Variants in IGSF5 observed in about 807,000 individuals in gnomAD.
IGSF5 encodes the protein immunoglobulin superfamily 5 like.
In IGSF5, 41 loss-of-function variants were observed where a neutral mutation model predicts 39.4. The ratio of observed to expected loss-of-function variants is 1.04; its 90% CI spans 0.81 to 1.35. IGSF5 has a LOEUF of 1.35. Ranked by LOEUF, IGSF5 falls within the 40% of genes most tolerant of loss-of-function variation. The probability of loss-of-function intolerance (pLI) is 0.00; values close to 1 mark genes in which losing one functional copy is unlikely to be tolerated. For missense variants in IGSF5, 487 were observed against 494.6 expected (o/e 0.98, Z 0.15); for synonymous variants, 183 against 175.3 (o/e 1.04, Z -0.34).
At chr21:39,747,093 GT>G (rs1200357999) in intron 2 of IGSF5, among the ~76,000 whole-genome samples, 5 of 152,174 alleles carry the variant, frequency 3.3e-5, no homozygotes. Flanking sequence ...GAATTAGTCT[GT>G]TTTCACGCTG....
At chr21:39,752,147 G>T (rs899717660) in intron 2 of IGSF5, among the ~76,000 whole-genome samples, 3 of 152,104 alleles carry the variant, frequency 2.0e-5, no homozygotes, top group African/African-American at 7.2e-5. Flanking sequence ...TGCCTAATAT[G>T]TAGTCTTTTA....
rs765104358 is a variant in IGSF5 at position 39,801,265 on chromosome 21, G to C, written c.1132G>C (p.Ala378Pro). 1.2e-6 allele frequency: 2 copies of C among 1,613,660 alleles called. No homozygotes were observed. The highest frequency in any genetic ancestry group is 2.7e-5 in the African/African-American group (2 of 74,892). Residue 378 changes from alanine to proline, a missense_variant, in exon 9 of 9, where the codon GCT becomes CCT. Transcript: ENST00000380588. Reference sequence around the variant, plus strand: ...TTTTTTCCTCCTCTGTTGCCAGCGGGCTGATCAACGTCCACCCAGGCCAGC... The same window carrying C: ...TTTTTTCCTCCTCTGTTGCCAGCGGCCTGATCAACGTCCACCCAGGCCAGC... ...NSSCGPPHQR[A>P]DQRPPRPASH...
At chr21:39,728,288 C>A in the IGSF5 span, among the ~76,000 whole-genome samples, 1 of 152,098 alleles carries the variant, frequency 6.6e-6, no homozygotes, top group Non-Finnish European at 1.5e-5. Context: ...GGCCCTTAAT[C>A]CAGTATGACT....
chr21:39,788,432 A>G (rs2086937820), intron 6 of IGSF5, among the ~76,000 whole-genome samples: 1 of 152,208 alleles, frequency 6.6e-6, no homozygotes, highest in African/African-American at 2.4e-5. Flanking sequence ...TGGTTCCCTT[A>G]GGGAAATGGA....
intron 6 of IGSF5, 156 bp from the exon 7 acceptor site, chr21:39,791,852 A>G (rs2086967203): frequency 3.4e-6 from 2 of 592,124 alleles, no homozygotes; most frequent in Non-Finnish European, 6.1e-6. Context: ...CATACCTGCA[A>G]CGCAGCGGCA....
chr21:39,799,704 A>C (rs905075917), intron 8 of IGSF5, among the ~76,000 whole-genome samples: 1 of 152,184 alleles, frequency 6.6e-6, no homozygotes, highest in Non-Finnish European at 1.5e-5. Context: ...GATGAATGCC[A>C]AGTGAAAGGT....
At chr21:39,765,044 C>T (rs2080079027) in intron 2 of IGSF5, among the ~76,000 whole-genome samples, 1 of 152,138 alleles carries the variant, frequency 6.6e-6, no homozygotes, top group Non-Finnish European at 1.5e-5. Flanking sequence ...CAATCCTTGC[C>T]ATTCCTTGGC....
intron 4 of IGSF5, among the ~76,000 whole-genome samples, chr21:39,775,298 G>C (rs1156976440): frequency 6.6e-6 from 1 of 152,174 alleles, no homozygotes; most frequent in East Asian, 1.9e-4. Flanking sequence ...CTGAGCCTCA[G>C]TTTTAGAACG....
At chr21:39,726,948 G>T in the IGSF5 span, among the ~76,000 whole-genome samples, 1 of 152,104 alleles carries the variant, frequency 6.6e-6, no homozygotes, top group Non-Finnish European at 1.5e-5. Flanking sequence ...ACAATGGAAA[G>T]GCCATTGATG....
rs772649631 is a variant in IGSF5 at position 39,779,248 on chromosome 21, CGTT to C, written c.883_885del (p.Cys295del). The stretch of plus-strand genomic sequence containing the variant: ...AATACGCTGCTGCTGCTGCCGCCGT[CGTT>C]GTTGTGGCTGCAACTGCTGCTGCCG... On this transcript the variant is annotated inframe_deletion, in exon 5 of 9. Coordinates refer to ENST00000380588, the MANE Select transcript of IGSF5 (RefSeq NM_001080444.2). The C allele has an allele frequency of 1.5e-5, 25 of 1,613,602 alleles. No individual in the cohort carries two copies. Among genetic ancestry groups the C allele is most frequent in the Non-Finnish European group, 2.1e-5 (25 of 1,179,678 alleles).
chr21:39,720,229 T>A, the IGSF5 span, among the ~76,000 whole-genome samples: 3 of 152,078 alleles, frequency 2.0e-5, no homozygotes, highest in Non-Finnish European at 4.4e-5. Context: ...CACAATAGGG[T>A]TCACACTTCT....
chr21:39,792,940 C>T (rs1409790246), intron 7 of IGSF5, among the ~76,000 whole-genome samples: 1 of 152,170 alleles, frequency 6.6e-6, no homozygotes, highest in African/African-American at 2.4e-5. Context: ...TTCAGCCAAT[C>T]AGTCCTTGCT....
chr21:39,757,259 A>C (rs938880528), intron 2 of IGSF5, among the ~76,000 whole-genome samples: 1 of 51,792 alleles, frequency 1.9e-5, no homozygotes, highest in Non-Finnish European at 4.1e-5. Context: ...CATATCATCT[A>C]TTTATTCATT....
intron 3 of IGSF5, among the ~76,000 whole-genome samples, chr21:39,770,446 A>T (rs1417707432): frequency 6.6e-6 from 1 of 152,128 alleles, no homozygotes; most frequent in Admixed American, 6.5e-5. Flanking sequence ...AATGTATCTG[A>T]TTGACCAAAA....
intron 2 of IGSF5, among the ~76,000 whole-genome samples, chr21:39,761,252 C>T (rs2146277257): frequency 6.6e-6 from 1 of 152,294 alleles, no homozygotes; most frequent in South Asian, 2.1e-4. Context: ...CAAAAATTAA[C>T]TCAAGATGGA....
At position 39,801,263 on chromosome 21, in the gene IGSF5, G is replaced by A. The variant is rs142105354; in HGVS notation, c.1130G>A (p.Arg377Gln). The change falls in exon 9 of 9, where the codon CGG becomes CAG. Residue 377 changes from arginine to glutamine, a missense_variant and splice_region_variant. Arg to Gln is a conservative substitution (Grantham distance 43). Coordinates refer to ENST00000380588, the MANE Select transcript of IGSF5 (RefSeq NM_001080444.2). ...ACTTTTTTCCTCCTCTGTTGCCAGC[G>A]GGCTGATCAACGTCCACCCAGGCCA... ...RNSSCGPPHQ[R>Q]ADQRPPRPAS... is the part of the protein sequence containing the mutation. 6,319 of 1,613,324 alleles carry A rather than the reference G, an allele frequency of 3.9e-3. 14 individuals are homozygous for A. The highest frequency in any genetic ancestry group is 5.0e-3 in the Non-Finnish European group (5,886 of 1,179,410).
At chr21:39,718,794 A>G in the IGSF5 span, among the ~76,000 whole-genome samples, 1 of 152,164 alleles carries the variant, frequency 6.6e-6, no homozygotes, top group African/African-American at 2.4e-5. Flanking sequence ...TATCAAGGGT[A>G]TTGGCCTGAA....
intron 3 of IGSF5, 43 bp from the exon 4 acceptor site, chr21:39,770,873 G>A (rs1279564254): frequency 1.6e-6 from 2 of 1,286,878 alleles, no homozygotes; most frequent in Non-Finnish European, 2.0e-6. Flanking sequence ...GAAGCGAGAG[G>A]CATGGTCATG....
intron 2 of IGSF5, among the ~76,000 whole-genome samples, chr21:39,749,901 A>T (rs1190981562): frequency 6.6e-6 from 1 of 152,222 alleles, no homozygotes; most frequent in Non-Finnish European, 1.5e-5. Context: ...AGGTAAGCAG[A>T]GAGATGACTT....
Sources: gnomAD v4.1 joint callset for allele counts (sites outside exome capture counted in the v4.1 genomes callset) on GRCh38, gnomAD v4.1.1 for gene constraint, MANE v1.5 for transcripts, NCBI Gene and HGNC (gene_info 2026-07-23, HGNC 2026-07-21) for gene names.